Variants in RABGAP1L observed in about 807,000 individuals in gnomAD.
RABGAP1L encodes the protein rab GTPase-activating protein 1-like.
A neutral mutation model predicts 137.7 loss-of-function variants in RABGAP1L; 63 were observed. The ratio of observed to expected loss-of-function variants is 0.46; its 90% CI spans 0.37 to 0.56. The LOEUF is 0.56. RABGAP1L is among the 20% of genes least tolerant of loss of function. The pLI is 0.00. For synonymous variants in RABGAP1L, 431 were observed against 433.7 expected, an observed-to-expected ratio of 0.99 and a Z score of 0.08; for missense variants, 1,095 against 1,244.0, an observed-to-expected ratio of 0.88 and a Z score of 1.80.
At chr1:174,596,111 C>A (rs968631461) in intron 13 of RABGAP1L, among the ~76,000 whole-genome samples, 1 of 132,078 alleles carries the variant, frequency 7.6e-6, no homozygotes, top group Non-Finnish European at 1.6e-5. Flanking sequence ...GGGAGTGACC[C>A]GATTTTCCAG....
chr1:174,309,695 G>T (rs1490463341), intron 11 of RABGAP1L, among the ~76,000 whole-genome samples: 2 of 152,044 alleles, frequency 1.3e-5, no homozygotes, highest in Non-Finnish European at 2.9e-5. Context: ...GCATCTCCTG[G>T]ATGAATCCCA....
At chr1:174,888,279 G>C (rs563528589) in intron 19 of RABGAP1L, among the ~76,000 whole-genome samples, 1 of 152,278 alleles carries the variant, frequency 6.6e-6, no homozygotes, top group South Asian at 2.1e-4. Context: ...GGAAGGAATT[G>C]ATAAATTTCA....
At chr1:174,335,146 A>C (rs904750830) in intron 11 of RABGAP1L, among the ~76,000 whole-genome samples, 2 of 152,204 alleles carry the variant, frequency 1.3e-5, no homozygotes, top group Non-Finnish European at 2.9e-5. Flanking sequence ...TTTATAGATC[A>C]GGTGTTTCAT....
At chr1:174,246,321 A>G (rs1191081630) in intron 5 of RABGAP1L, 2 of 152,196 alleles carry the variant, frequency 1.3e-5, no homozygotes, top group Non-Finnish European at 2.9e-5. Context: ...TTATTTATCA[A>G]TAAACCTTTT....
chr1:174,843,241 T>A (rs1258934334), intron 19 of RABGAP1L, among the ~76,000 whole-genome samples: 1 of 151,480 alleles, frequency 6.6e-6, no homozygotes, highest in East Asian at 1.9e-4. Flanking sequence ...TTTTTTTTTT[T>A]TATACTTTAA....
chr1:174,533,017 G>T (rs949580530), intron 13 of RABGAP1L, among the ~76,000 whole-genome samples: 1 of 152,150 alleles, frequency 6.6e-6, no homozygotes, highest in Non-Finnish European at 1.5e-5. Context: ...GGTGGGTCAC[G>T]AGGTCGGGAG....
chr1:174,635,721 A>T (rs116215168), intron 13 of RABGAP1L, among the ~76,000 whole-genome samples: 10 of 152,238 alleles, frequency 6.6e-5, no homozygotes, highest in East Asian at 1.9e-4. Flanking sequence ...AATATGTTCA[A>T]TGTTTGCTAG....
chr1:174,230,455 G>A (rs1670553673), intron 3 of RABGAP1L, among the ~76,000 whole-genome samples: 1 of 152,144 alleles, frequency 6.6e-6, no homozygotes, highest in Non-Finnish European at 1.5e-5. Context: ...TGTAGGTGAA[G>A]GGACGATTTC....
At chr1:174,183,675 G>C (rs1400804208) in intron 1 of RABGAP1L, among the ~76,000 whole-genome samples, 3 of 152,070 alleles carry the variant, frequency 2.0e-5, no homozygotes, top group Admixed American at 2.0e-4. Context: ...TACATTCTAT[G>C]GGTTTTGACA....
At chr1:174,621,157 G>T (rs1035676269) in intron 13 of RABGAP1L, among the ~76,000 whole-genome samples, 7 of 152,118 alleles carry the variant, frequency 4.6e-5, no homozygotes, top group African/African-American at 1.7e-4. Context: ...GGACATGAAG[G>T]ACCTCTTCAA....
intron 11 of RABGAP1L, among the ~76,000 whole-genome samples, chr1:174,349,927 C>T (rs1192333406): frequency 7.0e-6 from 1 of 142,660 alleles, no homozygotes; most frequent in Non-Finnish European, 1.6e-5. Flanking sequence ...CCCCCACCTC[C>T]CTCCCGGACG....
chr1:174,456,019 G>A (rs1571891558), intron 13 of RABGAP1L, among the ~76,000 whole-genome samples: 1 of 152,042 alleles, frequency 6.6e-6, no homozygotes, highest in Non-Finnish European at 1.5e-5. Flanking sequence ...AGAGTGACCT[G>A]ATATTTCTTT....
intron 4 of RABGAP1L, among the ~76,000 whole-genome samples, chr1:174,234,542 C>G (rs1004083839): frequency 5.6e-5 from 8 of 142,208 alleles, no homozygotes; most frequent in South Asian, 4.2e-4. Flanking sequence ...CCCATTGCTT[C>G]TTTTTCTCAG....
chr1:174,443,783 T>C (rs1027103804), intron 13 of RABGAP1L, among the ~76,000 whole-genome samples: 3 of 152,066 alleles, frequency 2.0e-5, no homozygotes, highest in Non-Finnish European at 4.4e-5. Context: ...CATTTCCCAG[T>C]GTTTTCTTGT....
intron 14 of RABGAP1L, among the ~76,000 whole-genome samples, chr1:174,648,833 C>T (rs1192910189): frequency 6.6e-6 from 1 of 152,108 alleles, no homozygotes; most frequent in African/African-American, 2.4e-5. Context: ...GTATGGGAGT[C>T]TAAGTCTCTT....
At chr1:174,321,520 C>T (rs1006501976) in intron 11 of RABGAP1L, among the ~76,000 whole-genome samples, 2 of 152,166 alleles carry the variant, frequency 1.3e-5, no homozygotes, top group African/African-American at 4.8e-5. Flanking sequence ...TACTCTTTCC[C>T]TTTATTTCTC....
chr1:174,374,427 G>A lies in RABGAP1L; in HGVS notation c.1559+3355G>A, dbSNP rs1176346683. Among the ~76,000 whole-genome samples the A allele has an allele frequency of 3.3e-5, 5 of 151,856 alleles. No homozygotes were observed. In the South Asian group the frequency reaches 8.3e-4, roughly 25 times the overall value. ...GAGAATTGGGTGCTTACTTTTTACG[G>A]GCCCAACACATTCTTTCTAGTATAG... is the stretch of plus-strand genomic sequence containing the variant. On this transcript the variant is annotated intron_variant, in intron 12 of 25. Transcript: ENST00000681986.
At chr1:174,629,240 G>A (rs1673141860) in intron 13 of RABGAP1L, among the ~76,000 whole-genome samples, 1 of 152,310 alleles carries the variant, frequency 6.6e-6, no homozygotes. Flanking sequence ...GTAATTGGAA[G>A]GTGGGTTGAC....
intron 17 of RABGAP1L, among the ~76,000 whole-genome samples, chr1:174,726,381 G>A (rs997989530): frequency 1.3e-5 from 2 of 151,982 alleles, no homozygotes; most frequent in African/African-American, 4.8e-5. Flanking sequence ...GACTCACTGG[G>A]ATTACAGGTG....
Sources: allele counts gnomAD v4.1 joint callset (sites outside exome capture counted in the v4.1 genomes callset), GRCh38; gene constraint gnomAD v4.1.1; transcripts MANE v1.5; gene names NCBI Gene and HGNC (gene_info 2026-07-23, HGNC 2026-07-21).